The following WDFY3 variants were observed in gnomAD, a reference collection of about 807,000 sequenced individuals.
WDFY3 encodes WD repeat and FYVE domain containing 3, also known as WD repeat and FYVE domain-containing protein 3.
WDFY3 carries 66 observed loss-of-function variants against 409.6 expected under a neutral mutation model. That is an observed-to-expected ratio of 0.16 (90% CI 0.13 to 0.20). The LOEUF is 0.20. Ranked by LOEUF, WDFY3 falls within the 10% of genes least tolerant of loss-of-function variation. The probability of loss-of-function intolerance (pLI) is 1.00; values close to 1 mark genes in which losing one functional copy is unlikely to be tolerated. For synonymous variants in WDFY3, 1,521 were observed against 1,537.1 expected (o/e 0.99, Z 0.25); for missense variants, 3,031 against 4,298.1 (o/e 0.71, Z 8.24).
intron 67 of WDFY3, among the ~76,000 whole-genome samples, chr4:84,675,540 A>G (rs1366957713): frequency 6.6e-6 from 1 of 152,218 alleles, no homozygotes; most frequent in African/African-American, 2.4e-5. Context: ...TTACAGATAA[A>G]GAAACCAAAG....
In WDFY3 at chr4:84,844,079, G is replaced by A. The variant is rs534318887; in HGVS notation, c.305-2816C>T. On this transcript the variant is annotated intron_variant, in intron 5 of 67. Coordinates refer to ENST00000295888, the MANE Select transcript of WDFY3 (RefSeq NM_014991.6). Reference sequence around the variant, plus strand: ...CAGAAATGAAGTTAATAAAGCCCAGGATTTCATTAAATAAGTAAAGAATGC... The same window carrying A: ...CAGAAATGAAGTTAATAAAGCCCAGAATTTCATTAAATAAGTAAAGAATGC... Among the ~76,000 whole-genome samples, 10 of 152,156 alleles carry A rather than the reference G, an allele frequency of 6.6e-5. No homozygotes were observed. In the South Asian group the frequency reaches 1.9e-3, roughly 28 times the overall value.
chr4:84,881,325 A>G (rs924906989), intron 3 of WDFY3, among the ~76,000 whole-genome samples: 8 of 152,186 alleles, frequency 5.3e-5, no homozygotes, highest in African/African-American at 9.6e-5. Context: ...TCTAAAGAAT[A>G]AGAAAAAAAA....
chr4:84,836,090 G>A (rs1332378058), intron 7 of WDFY3, among the ~76,000 whole-genome samples: 1 of 152,032 alleles, frequency 6.6e-6, no homozygotes, highest in African/African-American at 2.4e-5. Flanking sequence ...TTAACTATAT[G>A]TACACTGCTG....
At chr4:84,801,296 T>C (rs932070410) in intron 17 of WDFY3, among the ~76,000 whole-genome samples, 2 of 152,212 alleles carry the variant, frequency 1.3e-5, no homozygotes, top group Non-Finnish European at 2.9e-5. Flanking sequence ...TCACAACTTA[T>C]GGTGAATCTA....
intron 24 of WDFY3, among the ~76,000 whole-genome samples, chr4:84,785,012 A>T (rs1747300252): frequency 6.6e-6 from 1 of 151,180 alleles, no homozygotes. Context: ...TATTTATCGC[A>T]TTGGCCTCAT....
chr4:84,740,818 C>T lies in WDFY3; in HGVS notation c.6235-402G>A, dbSNP rs149178332. On this transcript the variant is annotated intron_variant, in intron 38 of 67. Coordinates refer to ENST00000295888, the MANE Select transcript of WDFY3 (RefSeq NM_014991.6). ...ACTAAAATCATTTTTTTTTGACATT[C>T]TAATTTCATCCCCTCATTTGAGAAT... 1.2e-4 allele frequency among the ~76,000 whole-genome samples: 18 copies of T among 151,952 alleles called. No individual in the cohort carries two copies. In the East Asian group the frequency reaches 2.3e-3, roughly 20 times the overall value.
intron 2 of WDFY3, among the ~76,000 whole-genome samples, chr4:84,920,469 T>C (rs912314154): frequency 2.0e-5 from 3 of 152,198 alleles, no homozygotes; most frequent in African/African-American, 7.2e-5. Context: ...TGTTTACAAA[T>C]ATATACATAT....
chr4:84,710,627 A>G (rs766849205), intron 51 of WDFY3, among the ~76,000 whole-genome samples: 11 of 152,230 alleles, frequency 7.2e-5, no homozygotes, highest in Non-Finnish European at 1.2e-4. Context: ...TTGGAAAAAT[A>G]GCCATGATCA....
At chr4:84,701,458 G>C (rs1421868314) in intron 56 of WDFY3, among the ~76,000 whole-genome samples, 1 of 152,056 alleles carries the variant, frequency 6.6e-6, no homozygotes, top group Non-Finnish European at 1.5e-5. Context: ...TGTATTTTCT[G>C]TTCATGAAAA....
chr4:84,869,686 T>G (rs759023147), intron 3 of WDFY3, among the ~76,000 whole-genome samples: 1 of 152,000 alleles, frequency 6.6e-6, no homozygotes, highest in African/African-American at 2.4e-5. Context: ...TACCACAAAC[T>G]TAAAAGATAA....
At chr4:84,948,933 CCCT>C (rs1327576354) in intron 1 of WDFY3, among the ~76,000 whole-genome samples, 3 of 152,130 alleles carry the variant, frequency 2.0e-5, no homozygotes, top group Non-Finnish European at 4.4e-5. Context: ...CACACACACA[CCCT>C]CCTATTTCAG....
At chr4:84,885,783 C>T (rs1285796611) in intron 3 of WDFY3, among the ~76,000 whole-genome samples, 2 of 152,140 alleles carry the variant, frequency 1.3e-5, no homozygotes, top group Non-Finnish European at 2.9e-5. Context: ...GACATGTGGA[C>T]AGAAACTACA....
chr4:84,899,676 C>A (rs1397559093), intron 2 of WDFY3, among the ~76,000 whole-genome samples: 1 of 152,096 alleles, frequency 6.6e-6, no homozygotes, highest in African/African-American at 2.4e-5. Context: ...ACAACAGAGA[C>A]CCTAAAGCAT....
At chr4:84,753,111 C>T (rs187431185) in intron 35 of WDFY3, among the ~76,000 whole-genome samples, 3 of 152,054 alleles carry the variant, frequency 2.0e-5, no homozygotes, top group African/African-American at 7.2e-5. Flanking sequence ...AAGCAGGAAA[C>T]CAGGCAGCAT....
intron 3 of WDFY3, among the ~76,000 whole-genome samples, chr4:84,889,689 CTA>C (rs1764680997): frequency 6.6e-6 from 1 of 152,114 alleles, no homozygotes; most frequent in Admixed American, 6.5e-5. Context: ...TCAAACTACC[CTA>C]AGCTACATTT....
chr4:84,943,268 G>A (rs185359409), intron 1 of WDFY3, among the ~76,000 whole-genome samples: 27 of 152,236 alleles, frequency 1.8e-4, no homozygotes, highest in African/African-American at 6.0e-4. Flanking sequence ...TTGGGAGGCC[G>A]AGGCGGGCGG....
rs1226996952 is a variant in WDFY3, at chr4:84,740,303, C to T, written c.6348G>A (p.Leu2116=). 6.2e-7 allele frequency: 1 copy of T among 1,613,902 alleles called. No homozygotes were observed. Among genetic ancestry groups the T allele is most frequent in the South Asian group, 1.1e-5 (1 of 91,090 alleles). Residue 2116 remains leucine, a synonymous_variant, in exon 39 of 68, where the codon CTG becomes CTA. Transcript: ENST00000295888. ...CAGTGAGGACCCTGAGTGAATCAAG[C>T]AGAGCTACTTGCTGAGGAACGGTTT... ...AHKTVPQQVA[L]LDSLRVLTVN...
intron 23 of WDFY3, 47 bp from the exon 24 acceptor site, chr4:84,786,186 C>T (rs1317044865): frequency 6.6e-7 from 1 of 1,521,744 alleles, no homozygotes; most frequent in Non-Finnish European, 8.8e-7. Flanking sequence ...TAGTTCTCAT[C>T]TTAAAGTAAG....
Position 84,713,518 on chromosome 4 carries a change from GT to G in WDFY3, c.7962-280del, listed in dbSNP as rs543031484. ...TTAGCTCTTCCCATATGTGAAAGGA[GT>G]TTTGGGTTACCAATCAACATCCACA... is the stretch of plus-strand genomic sequence containing the variant. On this transcript the variant is annotated intron_variant, in intron 50 of 67. Transcript: ENST00000295888. Among the ~76,000 whole-genome samples the G allele has an allele frequency of 2.0e-4, 30 of 152,300 alleles. 1 individual carries two copies. The East Asian group carries it at 5.2e-3, about 26-fold the overall frequency.
Sources: allele counts gnomAD v4.1 joint callset (sites outside exome capture counted in the v4.1 genomes callset), GRCh38; gene constraint gnomAD v4.1.1; transcripts MANE v1.5; gene names NCBI Gene and HGNC (gene_info 2026-07-23, HGNC 2026-07-21).